Variants in SLC24A2 observed in about 807,000 individuals in gnomAD.
The protein encoded by SLC24A2 is sodium/potassium/calcium exchanger 2.
SLC24A2 carries 36 observed loss-of-function variants against 62.0 expected under a neutral mutation model. That is an observed-to-expected ratio of 0.58 (90% confidence interval 0.44 to 0.77). The LOEUF (loss-of-function observed/expected upper bound fraction) is 0.77, where lower values mean the gene tolerates loss of function less well. Among genes scored for constraint, SLC24A2 ranks in the 30% least tolerant of loss-of-function variants. SLC24A2 has a pLI of 0.00. For missense variants in SLC24A2, 846 were observed against 817.9 expected (o/e 1.03, Z -0.42); for synonymous variants, 358 against 294.0 (o/e 1.22, Z -2.23).
chr9:20,142,886 G>A, the SLC24A2 span, among the ~76,000 whole-genome samples: 2 of 152,164 alleles, frequency 1.3e-5, no homozygotes, highest in Admixed American at 1.3e-4. Context: ...ATGAACCACC[G>A]TGCCCGGCCT....
At chr9:19,953,731 G>C in the SLC24A2 span, among the ~76,000 whole-genome samples, 1 of 151,866 alleles carries the variant, frequency 6.6e-6, no homozygotes, top group Admixed American at 6.6e-5. Context: ...TTATTAATGG[G>C]ATATACACCT....
the SLC24A2 span, among the ~76,000 whole-genome samples, chr9:19,913,364 C>T: frequency 6.6e-6 from 1 of 152,078 alleles, no homozygotes; most frequent in Admixed American, 6.6e-5. Context: ...GACTTCATCC[C>T]TCAGGCCATA....
the SLC24A2 span, among the ~76,000 whole-genome samples, chr9:19,888,164 G>A: frequency 6.6e-6 from 1 of 152,166 alleles, no homozygotes; most frequent in Non-Finnish European, 1.5e-5. Context: ...CAACCTTTTA[G>A]TGGGCTGTTC....
At chr9:20,187,139 C>T in the SLC24A2 span, among the ~76,000 whole-genome samples, 1 of 152,184 alleles carries the variant, frequency 6.6e-6, no homozygotes, top group South Asian at 2.1e-4. Context: ...TCCATGCACC[C>T]AGGCTTATTT....
the SLC24A2 span, among the ~76,000 whole-genome samples, chr9:20,047,471 G>A: frequency 6.6e-6 from 1 of 150,884 alleles, no homozygotes; most frequent in Non-Finnish European, 1.5e-5. Context: ...TCAGTTTGGG[G>A]TGCTATAACA....
At chr9:20,048,034 T>C in the SLC24A2 span, among the ~76,000 whole-genome samples, 1 of 152,156 alleles carries the variant, frequency 6.6e-6, no homozygotes, top group African/African-American at 2.4e-5. Flanking sequence ...TCCTATCCTA[T>C]CTTGATTCTT....
At chr9:19,788,059 AT>A (rs1190600147) in intron 1 of SLC24A2, among the ~76,000 whole-genome samples, 1 of 152,172 alleles carries the variant, frequency 6.6e-6, no homozygotes, top group Non-Finnish European at 1.5e-5. Context: ...CATATCAACG[AT>A]TTCATTTTGG....
rs1400877114 is a variant in SLC24A2, at chr9:19,511,206, CTG to C, written c.*4945_*4946del. 6.6e-6 allele frequency: 1 copy of C among 152,076 alleles called. No homozygotes were observed. The highest frequency in any genetic ancestry group is 1.5e-5 in the Non-Finnish European group (1 of 68,038). 9.4% of individuals were successfully genotyped at this position (152,076 alleles called of 1,614,324 possible). ...ATCATAAGTAATAGAGTTGAGCTGG[CTG>C]TGAGTAGTTCCCTTATTGCTTTTCT... is the stretch of plus-strand genomic sequence containing the variant. On this transcript the variant is annotated 3_prime_UTR_variant, in exon 11 of 11. Coordinates refer to ENST00000341998, the MANE Select transcript of SLC24A2 (RefSeq NM_020344.4).
the SLC24A2 span, among the ~76,000 whole-genome samples, chr9:20,010,444 T>A: frequency 6.6e-6 from 1 of 152,108 alleles, no homozygotes; most frequent in East Asian, 1.9e-4. Context: ...TAATTCAGAA[T>A]AATCCTCTTG....
At chr9:19,735,747 C>G (rs1359608010) in intron 2 of SLC24A2, among the ~76,000 whole-genome samples, 1 of 151,794 alleles carries the variant, frequency 6.6e-6, no homozygotes, top group Non-Finnish European at 1.5e-5. Flanking sequence ...TCTCAGCAAA[C>G]TATCGCAAGG....
intron 5 of SLC24A2, among the ~76,000 whole-genome samples, chr9:19,578,748 TTG>T (rs950414693): frequency 2.8e-4 from 43 of 152,162 alleles, no homozygotes; most frequent in Non-Finnish European, 4.9e-4. Flanking sequence ...TGGTGATGAC[TTG>T]TGTGACTGGC....
rs376985006 is a variant in SLC24A2 at position 19,573,424 on chromosome 9, G to A, written c.1274C>T (p.Thr425Ile). The A allele has an allele frequency of 6.2e-6, 10 of 1,613,066 alleles. No homozygotes were observed. Among genetic ancestry groups the A allele is most frequent in the African/African-American group, 5.3e-5 (4 of 74,802 alleles). The change falls in exon 7 of 11, where the codon ACA becomes ATA. Residue 425 changes from threonine to isoleucine, a missense_variant. By Grantham distance (89) the Thr-to-Ile change is moderately conservative (BLOSUM62 -1). Coordinates refer to ENST00000341998, the MANE Select transcript of SLC24A2 (RefSeq NM_020344.4). Reference sequence around the variant, plus strand: ...AGGTTCTGAAGCATCACTGGATGGTGTCATTTCAACATCTGTGCTGGTGCT... The same window carrying A: ...AGGTTCTGAAGCATCACTGGATGGTATCATTTCAACATCTGTGCTGGTGCT... Reference protein sequence around the residue: ...PNSTSTDVEMTPSSDASEPVQ... With the variant: ...PNSTSTDVEMIPSSDASEPVQ...
the SLC24A2 span, among the ~76,000 whole-genome samples, chr9:20,206,911 T>C: frequency 6.6e-6 from 1 of 151,356 alleles, no homozygotes; most frequent in African/African-American, 2.4e-5. Context: ...CTTCATAATA[T>C]TCCAATGAAT....
the SLC24A2 span, among the ~76,000 whole-genome samples, chr9:20,100,823 G>C: frequency 6.6e-6 from 1 of 151,936 alleles, no homozygotes; most frequent in Non-Finnish European, 1.5e-5. Context: ...CTGGTTTTTT[G>C]TTTTGTTTTT....
At chr9:20,232,629 C>T in the SLC24A2 span, among the ~76,000 whole-genome samples, 3 of 151,902 alleles carry the variant, frequency 2.0e-5, no homozygotes, top group Non-Finnish European at 2.9e-5. Context: ...TCTCTCTTTT[C>T]TTCTTTATTA....
At chr9:20,037,761 T>C in the SLC24A2 span, among the ~76,000 whole-genome samples, 13 of 152,300 alleles carry the variant, frequency 8.5e-5, 1 homozygote, top group African/African-American at 2.9e-4. Context: ...GTCTTGAGTT[T>C]ATGACTCGGA....
the SLC24A2 span, among the ~76,000 whole-genome samples, chr9:20,098,592 C>A: frequency 6.6e-5 from 10 of 152,292 alleles, 1 homozygote; most frequent in Admixed American, 3.9e-4. Context: ...GACCTAAAGG[C>A]CTTTGGTCAG....
chr9:19,727,304 T>A (rs913063511), intron 2 of SLC24A2, among the ~76,000 whole-genome samples: 1 of 152,204 alleles, frequency 6.6e-6, no homozygotes, highest in African/African-American at 2.4e-5. Flanking sequence ...AAAAAAAGAA[T>A]ATTTTAGATA....
At chr9:19,590,708 C>T (rs1327240153) in intron 5 of SLC24A2, among the ~76,000 whole-genome samples, 1 of 149,730 alleles carries the variant, frequency 6.7e-6, no homozygotes, top group Admixed American at 6.6e-5. Context: ...CCTTCACCTA[C>T]TCACTCCCAG....
Sources: allele counts gnomAD v4.1 joint callset (sites outside exome capture counted in the v4.1 genomes callset), GRCh38; gene constraint gnomAD v4.1.1; transcripts MANE v1.5; gene names NCBI Gene and HGNC (gene_info 2026-07-23, HGNC 2026-07-21).